ELMOD1: variants seen among roughly 807,000 people sequenced by gnomAD.
ELMOD1 encodes the protein ELMO domain-containing protein 1.
Under a neutral mutation model 46.7 loss-of-function variants are expected in ELMOD1, and 21 were observed. The observed-to-expected ratio is 0.45, with a 90% confidence interval of 0.32 to 0.65. The LOEUF is 0.65. ELMOD1 is among the 30% of genes least tolerant of loss of function. ELMOD1 has a pLI of 0.04. For synonymous variants in ELMOD1, 122 were observed against 138.2 expected (o/e 0.88, Z 0.82); for missense variants, 348 against 407.8 (o/e 0.85, Z 1.26).
intron 1 of ELMOD1, among the ~76,000 whole-genome samples, chr11:107,604,259 G>A (rs984512987): frequency 1.6e-4 from 25 of 152,326 alleles, no homozygotes; most frequent in African/African-American, 4.6e-4. Flanking sequence ...GGGAACCAGG[G>A]CTCAGAGACT....
chr11:107,597,611 A>C (rs1234048068), intron 1 of ELMOD1, among the ~76,000 whole-genome samples: 22 of 152,196 alleles, frequency 1.4e-4, no homozygotes, highest in Admixed American at 1.4e-3. Context: ...GCTCCCAGGC[A>C]CTTATCCACG....
intron 1 of ELMOD1, among the ~76,000 whole-genome samples, chr11:107,616,591 C>G (rs1865867658): frequency 6.6e-6 from 1 of 152,136 alleles, no homozygotes; most frequent in South Asian, 2.1e-4. Flanking sequence ...GTTGGCCATG[C>G]TGGTCTTGAA....
rs76706344 is a variant in ELMOD1 at position 107,632,745 on chromosome 11, C to A, written c.290+1068C>A. Among the ~76,000 whole-genome samples, 248 of 152,180 alleles carry A rather than the reference C, an allele frequency of 1.6e-3. 4 individuals are homozygous for A. The East Asian group carries it at 0.042, about 26-fold the overall frequency. On this transcript the variant is annotated intron_variant, in intron 5 of 11. Coordinates refer to ENST00000265840, the MANE Select transcript of ELMOD1 (RefSeq NM_018712.4). ...ACGAAAAATTTAAGACTACAACTGG[C>A]AAGAGGGATATATGAGTCCTGTAAT...
At chr11:107,620,080 GAA>G (rs1307609382) in intron 2 of ELMOD1, 1 of 152,118 alleles carries the variant, frequency 6.6e-6, no homozygotes, top group Non-Finnish European at 1.5e-5. Context: ...CTTTTCATTT[GAA>G]CCAAAGAGAA....
intron 2 of ELMOD1, among the ~76,000 whole-genome samples, chr11:107,628,469 G>A (rs1866082084): frequency 6.6e-6 from 1 of 151,928 alleles, no homozygotes; most frequent in Non-Finnish European, 1.5e-5. Flanking sequence ...CCAGCCCTGA[G>A]GTTTTATAAA....
intron 7 of ELMOD1, 49 bp downstream of exon 7, chr11:107,647,650 C>T (rs772579284): frequency 1.3e-6 from 2 of 1,564,052 alleles, no homozygotes; most frequent in Non-Finnish European, 1.7e-6. Flanking sequence ...TTTTGGTCTC[C>T]TCATACTGAA....
intron 2 of ELMOD1, among the ~76,000 whole-genome samples, chr11:107,618,911 A>G (rs1012804810): frequency 1.2e-4 from 19 of 152,218 alleles, no homozygotes; most frequent in Non-Finnish European, 2.9e-5. Flanking sequence ...ATACGGCAAA[A>G]TAAAGTTAGT....
intron 1 of ELMOD1, among the ~76,000 whole-genome samples, chr11:107,599,008 T>C (rs1439142190): frequency 6.6e-6 from 1 of 152,196 alleles, no homozygotes; most frequent in Non-Finnish European, 1.5e-5. Flanking sequence ...GCTTTTTCAT[T>C]CTCTGAGTAT....
intron 6 of ELMOD1, among the ~76,000 whole-genome samples, chr11:107,640,089 C>T (rs1207897818): frequency 6.6e-6 from 1 of 152,142 alleles, no homozygotes; most frequent in African/African-American, 2.4e-5. Context: ...CCACAACCTC[C>T]ACCTCCCAGG....
chr11:107,620,440 T>G (rs900986961), intron 2 of ELMOD1: 2 of 152,206 alleles, frequency 1.3e-5, no homozygotes, highest in African/African-American at 4.8e-5. Context: ...AAAAATTACA[T>G]GAAATATAAG....
intron 11 of ELMOD1, among the ~76,000 whole-genome samples, chr11:107,660,074 C>G: frequency 6.6e-6 from 1 of 152,096 alleles, no homozygotes; most frequent in East Asian, 1.9e-4. Context: ...TCAGGCCTCT[C>G]TAAGGGAAAC....
At chr11:107,618,814 C>T (rs1221162940) in intron 2 of ELMOD1, among the ~76,000 whole-genome samples, 1 of 151,990 alleles carries the variant, frequency 6.6e-6, no homozygotes, top group Non-Finnish European at 1.5e-5. Flanking sequence ...TTGACTGGAC[C>T]TAAAGTTATA....
chr11:107,603,511 C>T (rs1001799513), intron 1 of ELMOD1, among the ~76,000 whole-genome samples: 1 of 152,116 alleles, frequency 6.6e-6, no homozygotes, highest in Admixed American at 6.5e-5. Context: ...TGCACTCCAG[C>T]CTGGGCGATA....
intron 6 of ELMOD1, among the ~76,000 whole-genome samples, chr11:107,646,205 A>G (rs148834221): frequency 1.9e-4 from 28 of 150,812 alleles, no homozygotes; most frequent in African/African-American, 6.7e-4. Context: ...TATGTGCTGA[A>G]TCTTTCTACA....
chr11:107,646,282 G>T (rs1252571859), intron 6 of ELMOD1, among the ~76,000 whole-genome samples: 1 of 152,132 alleles, frequency 6.6e-6, no homozygotes, highest in African/African-American at 2.4e-5. Context: ...TTACAATTGT[G>T]CAGTAATGTA....
At position 107,647,460 on chromosome 11, in the gene ELMOD1, TCC is replaced by T; in HGVS notation, c.421-7_421-6del. ...TCAACAGAGTAATCCTTTTTTTTTT[TCC>T]TACAGTTATGGAAATTCTTGAAGCC... On this transcript the variant is annotated splice_polypyrimidine_tract_variant and splice_region_variant and intron_variant, in intron 6 of 11. Coordinates refer to ENST00000265840, the MANE Select transcript of ELMOD1 (RefSeq NM_018712.4). 1.9e-6 allele frequency: 3 copies of T among 1,604,612 alleles called. No individual in the cohort carries two copies. Among genetic ancestry groups the T allele is most frequent in the South Asian group, 2.2e-5 (2 of 89,002 alleles).
At chr11:107,648,024 C>G (rs1163435604) in intron 7 of ELMOD1, among the ~76,000 whole-genome samples, 4 of 152,028 alleles carry the variant, frequency 2.6e-5, no homozygotes, top group Admixed American at 2.6e-4. Flanking sequence ...ATATGTAGTT[C>G]TAAAAAAATA....
intron 11 of ELMOD1, among the ~76,000 whole-genome samples, chr11:107,660,497 A>C: frequency 6.6e-6 from 1 of 152,176 alleles, no homozygotes; most frequent in East Asian, 1.9e-4. Context: ...GAAGGGGAAA[A>C]GCAAACTATT....
intron 1 of ELMOD1, among the ~76,000 whole-genome samples, chr11:107,615,868 G>C (rs1360922495): frequency 1.3e-5 from 2 of 152,040 alleles, no homozygotes; most frequent in African/African-American, 2.4e-5. Flanking sequence ...TATATGTTTG[G>C]GGGAGTAAAG....
Sources: gnomAD v4.1 joint callset for allele counts (sites outside exome capture counted in the v4.1 genomes callset) on GRCh38, gnomAD v4.1.1 for gene constraint, MANE v1.5 for transcripts, NCBI Gene and HGNC (gene_info 2026-07-23, HGNC 2026-07-21) for gene names.